The following ERBB4 variants were observed in gnomAD, a reference collection of about 807,000 sequenced individuals.
ERBB4 encodes the protein erb-b2 receptor tyrosine kinase 4.
In ERBB4, 42 loss-of-function variants were observed where a neutral mutation model predicts 158.0. That is an observed-to-expected ratio of 0.27 (90% CI 0.21 to 0.34). The LOEUF (loss-of-function observed/expected upper bound fraction) is 0.34, where lower values mean the gene tolerates loss of function less well. Among genes scored for constraint, ERBB4 ranks in the 10% least tolerant of loss-of-function variants. The pLI is 1.00. For synonymous variants in ERBB4, 583 were observed against 558.7 expected, an observed-to-expected ratio of 1.04 and a Z score of -0.61; for missense variants, 1,333 against 1,624.1, an observed-to-expected ratio of 0.82 and a Z score of 3.08.
At chr2:212,035,422 A>T (rs561186004) in intron 2 of ERBB4, among the ~76,000 whole-genome samples, 1 of 152,060 alleles carries the variant, frequency 6.6e-6, no homozygotes, top group Non-Finnish European at 1.5e-5. Context: ...CCCACTTCTA[A>T]CTAGTTCCAT....
intron 2 of ERBB4, among the ~76,000 whole-genome samples, chr2:211,995,243 T>C (rs1332102224): frequency 1.3e-5 from 2 of 152,362 alleles, no homozygotes; most frequent in East Asian, 3.9e-4. Context: ...CAGTTCATTT[T>C]TCTGTGCTCT....
intron 5 of ERBB4, among the ~76,000 whole-genome samples, chr2:211,730,841 T>A (rs2074404409): frequency 6.6e-6 from 1 of 152,110 alleles, no homozygotes; most frequent in Non-Finnish European, 1.5e-5. Context: ...GATTCCAATA[T>A]TCAGTCTAGA....
At chr2:211,464,595 G>C (rs2064626051) in intron 20 of ERBB4, among the ~76,000 whole-genome samples, 1 of 151,972 alleles carries the variant, frequency 6.6e-6, no homozygotes, top group African/African-American at 2.4e-5. Flanking sequence ...AATTTAAAAA[G>C]TACGTCACTA....
intron 15 of ERBB4, among the ~76,000 whole-genome samples, chr2:211,663,235 G>C: frequency 6.6e-6 from 1 of 152,180 alleles, no homozygotes; most frequent in East Asian, 1.9e-4. Context: ...TAGAACCACA[G>C]CATTTTTATG....
chr2:212,119,474 T>C (rs1374538471), intron 2 of ERBB4, among the ~76,000 whole-genome samples: 1 of 152,082 alleles, frequency 6.6e-6, no homozygotes, highest in African/African-American at 2.4e-5. Flanking sequence ...CTAATGAGGG[T>C]AAAAGGTCTA....
intron 2 of ERBB4, among the ~76,000 whole-genome samples, chr2:211,966,058 T>C (rs1005378096): frequency 6.6e-6 from 1 of 151,900 alleles, no homozygotes; most frequent in Non-Finnish European, 1.5e-5. Context: ...CAAAAAAATG[T>C]CAAAATTTAG....
chr2:212,148,287 A>T (rs1354770234), intron 1 of ERBB4, among the ~76,000 whole-genome samples: 2 of 152,132 alleles, frequency 1.3e-5, no homozygotes. Context: ...AGAAAATTGT[A>T]TCTACAAAGA....
intron 2 of ERBB4, among the ~76,000 whole-genome samples, chr2:212,015,223 G>A (rs922769390): frequency 1.4e-5 from 2 of 147,964 alleles, no homozygotes; most frequent in Admixed American, 6.8e-5. Flanking sequence ...CCAAGATCGC[G>A]CCACTGCACT....
At chr2:212,248,048 A>G (rs893748793) in intron 1 of ERBB4, among the ~76,000 whole-genome samples, 2 of 152,208 alleles carry the variant, frequency 1.3e-5, no homozygotes, top group African/African-American at 2.4e-5. Flanking sequence ...TTTAAGAAAT[A>G]CTGGAGATGT....
At chr2:212,256,018 G>C (rs866353681) in intron 1 of ERBB4, among the ~76,000 whole-genome samples, 3 of 50,308 alleles carry the variant, frequency 6.0e-5, no homozygotes, top group African/African-American at 1.4e-4. Flanking sequence ...TTTTACAAAT[G>C]GGGGGGGGTC....
intron 5 of ERBB4, among the ~76,000 whole-genome samples, chr2:211,747,051 G>A (rs776190107): frequency 2.6e-5 from 4 of 151,918 alleles, no homozygotes; most frequent in Admixed American, 6.6e-5. Context: ...AATAACATAC[G>A]TAGTTCAAAA....
intron 20 of ERBB4, among the ~76,000 whole-genome samples, chr2:211,447,158 A>G (rs1166683162): frequency 1.3e-5 from 2 of 152,170 alleles, no homozygotes; most frequent in Non-Finnish European, 2.9e-5. Flanking sequence ...AATTATGATC[A>G]TGTTTGGCAA....
intron 1 of ERBB4, among the ~76,000 whole-genome samples, chr2:212,413,988 CT>C (rs2091578553): frequency 6.6e-6 from 1 of 152,126 alleles, no homozygotes; most frequent in African/African-American, 2.4e-5. Flanking sequence ...TGATAAAATG[CT>C]GGTTTACAAC....
At chr2:212,130,071 T>TTAA (rs2080065683) in intron 1 of ERBB4, among the ~76,000 whole-genome samples, 1 of 152,112 alleles carries the variant, frequency 6.6e-6, no homozygotes, top group African/African-American at 2.4e-5. Flanking sequence ...AAGACAACGC[T>TTAA]TAAACCATCA....
Position 212,399,573 on chromosome 2 carries a change from TATATATATATATTG to T in ERBB4, c.82+138862_82+138875del, listed in dbSNP as rs1560214549. On this transcript the variant is annotated intron_variant, in intron 1 of 27. Transcript: ENST00000342788. ...ATATATATATATATATATATATATA[TATATATATATATTG>T]GGCGTGGTGTCTTATGCCTGTAATC... Among the ~76,000 whole-genome samples, 4 of 25,380 alleles carry T rather than the reference TATATATATATATTG, an allele frequency of 1.6e-4. 1 individual carries two copies. In the African/African-American group the frequency reaches 1.7e-3, roughly 11 times the overall value. 16.7% of individuals were successfully genotyped at this position (25,380 alleles called of 152,430 possible). A position where few individuals can be genotyped will look rare whatever the true frequency, so the allele number is the denominator to read the frequency against.
At chr2:212,074,743 C>G (rs943552516) in intron 2 of ERBB4, among the ~76,000 whole-genome samples, 2 of 151,910 alleles carry the variant, frequency 1.3e-5, no homozygotes, top group African/African-American at 4.8e-5. Flanking sequence ...TTTCTTACAA[C>G]TAGACACTGA....
chr2:211,470,623 C>A (rs981081474), intron 20 of ERBB4, among the ~76,000 whole-genome samples: 4 of 152,096 alleles, frequency 2.6e-5, no homozygotes, highest in African/African-American at 9.7e-5. Flanking sequence ...TAGAGAGATA[C>A]TTTAAGACAA....
At chr2:212,008,669 A>C (rs2076311925) in intron 2 of ERBB4, among the ~76,000 whole-genome samples, 1 of 152,190 alleles carries the variant, frequency 6.6e-6, no homozygotes, top group African/African-American at 2.4e-5. Context: ...CTCATAGACT[A>C]TGCTGGCTAC....
chr2:212,177,395 G>A (rs2125683323), intron 1 of ERBB4, among the ~76,000 whole-genome samples: 1 of 151,848 alleles, frequency 6.6e-6, no homozygotes, highest in East Asian at 1.9e-4. Flanking sequence ...TAATATTTCA[G>A]CTGAATTTAG....
Sources: allele counts gnomAD v4.1 joint callset (sites outside exome capture counted in the v4.1 genomes callset), GRCh38; gene constraint gnomAD v4.1.1; transcripts MANE v1.5; gene names NCBI Gene and HGNC (gene_info 2026-07-23, HGNC 2026-07-21).